The following PCM1 variants were observed in gnomAD, a reference collection of about 807,000 sequenced individuals.
The protein encoded by PCM1 is pericentriolar material 1 protein.
Under a neutral mutation model 241.9 loss-of-function variants are expected in PCM1, and 157 were observed. That is an observed-to-expected ratio of 0.65 (90% CI 0.57 to 0.74). PCM1 has a LOEUF of 0.74. Ranked by LOEUF, PCM1 falls within the 30% of genes least tolerant of loss-of-function variation. PCM1 has a pLI of 0.00. For synonymous variants in PCM1, 1,085 were observed against 784.9 expected (o/e 1.38, Z -6.39); for missense variants, 3,478 against 2,360.1 (o/e 1.47, Z -9.81).
At chr8:17,942,986 G>T (rs1453938090) in intron 6 of PCM1, among the ~76,000 whole-genome samples, 2 of 123,532 alleles carry the variant, frequency 1.6e-5, no homozygotes, top group Non-Finnish European at 1.8e-5. Flanking sequence ...GACAGAACGA[G>T]ACTCTGTCTC....
At chr8:17,964,524 C>T (rs771245088) in intron 17 of PCM1, 44 bp from the exon 18 acceptor site, 2 of 1,484,258 alleles carry the variant, frequency 1.3e-6, no homozygotes. Context: ...GAGTATTTAA[C>T]TTATCTCCAG....
At chr8:17,924,147 C>T (rs184039936) in intron 1 of PCM1, among the ~76,000 whole-genome samples, 70 of 152,224 alleles carry the variant, frequency 4.6e-4, no homozygotes, top group Middle Eastern at 3.4e-3. Flanking sequence ...TGCTGGTGTT[C>T]TCTGGTTACC....
chr8:17,961,946 C>A, intron 15 of PCM1, 88 bp from the exon 16 acceptor site: 1 of 1,100,846 alleles, frequency 9.1e-7, no homozygotes, highest in Non-Finnish European at 1.3e-6. Context: ...GCACTAGAGC[C>A]TTAGTGCCAT....
At chr8:18,006,079 A>G in intron 29 of PCM1, 184 bp from the exon 30 acceptor site, 1 of 527,460 alleles carries the variant, frequency 1.9e-6, no homozygotes. Flanking sequence ...AAACCTCTCA[A>G]TACGTATGAA....
intron 36 of PCM1, chr8:18,015,705 G>C (rs912893328): frequency 6.6e-6 from 1 of 152,026 alleles, no homozygotes; most frequent in Non-Finnish European, 1.5e-5. Context: ...TCTCAGATTT[G>C]TCTTTTACAG....
intron 30 of PCM1, 66 bp downstream of exon 30, chr8:18,006,463 G>A (rs1296757241): frequency 5.6e-6 from 6 of 1,071,148 alleles, no homozygotes; most frequent in Admixed American, 3.9e-5. Context: ...TTCGGGGGGT[G>A]GGTGAGGCAT....
Position 17,935,621 on chromosome 8 carries a change from G to C in PCM1, c.11G>C (p.Gly4Ala), listed in dbSNP as rs752451604. ...ATTGTTAAATCCAGTATGGCCACAG[G>C]AGGAGGTCCCTTTGAAGATGGCATG... Reference protein sequence around the residue: MATGGGPFEDGMND... With the variant: MATAGGPFEDGMND... The change falls in exon 3 of 39, where the codon GGA (glycine) becomes GCA (alanine). Residue 4 changes from glycine to alanine, a missense_variant. Transcript: ENST00000325083. 1.3e-6 allele frequency: 2 copies of C among 1,504,406 alleles called. No individual in the cohort carries two copies. Among genetic ancestry groups the C allele is most frequent in the Admixed American group, 1.7e-5 (1 of 59,744 alleles). The allele number at this position is 1,504,406 out of a possible 1,614,324, so 93.2% of individuals were successfully genotyped here.
At chr8:17,982,245 C>T (rs1329264832) in intron 24 of PCM1, among the ~76,000 whole-genome samples, 1 of 152,082 alleles carries the variant, frequency 6.6e-6, no homozygotes, top group Non-Finnish European at 1.5e-5. Context: ...TTATAATTTT[C>T]ATCTCCTTTT....
Position 17,993,601 on chromosome 8 carries a change from A to C in PCM1, c.4809A>C (p.Glu1603Asp). 1 of 1,588,164 alleles carries C rather than the reference A, an allele frequency of 6.3e-7. No homozygotes were observed. Among genetic ancestry groups the C allele is most frequent in the Middle Eastern group, 1.7e-4 (1 of 6,012 alleles). Residue 1603 changes from glutamate (E) to aspartate (D), a missense_variant, in exon 29 of 39, where the codon GAA (glutamate) becomes GAC (aspartate). By Grantham distance (45) the Glu-to-Asp change is conservative. Transcript: ENST00000325083. The stretch of plus-strand genomic sequence containing the variant: ...GGCAAATTAAAGCAATTATGAAAGA[A>C]GTCATTCCTTTTTTGAAGGTAAGCA... ...LDRQIKAIMK[E>D]VIPFLKEHMD... is the part of the protein sequence containing the mutation.
chr8:18,001,231 A>G (rs2089304393), intron 29 of PCM1, among the ~76,000 whole-genome samples: 2 of 152,274 alleles, frequency 1.3e-5, no homozygotes, highest in East Asian at 3.9e-4. Context: ...TTTTCTATTA[A>G]TTATTTTTTC....
chr8:17,944,326 G>T lies in PCM1; in HGVS notation c.784-2860G>T, dbSNP rs146873411. Among the ~76,000 whole-genome samples the T allele has an allele frequency of 2.0e-4, 30 of 152,196 alleles. No individual in the cohort carries two copies. The East Asian group carries it at 5.6e-3, about 28-fold the overall frequency. On this transcript the variant is annotated intron_variant, in intron 6 of 38. Coordinates refer to ENST00000325083, the MANE Select transcript of PCM1 (RefSeq NM_006197.4). ...CTGATTTCCCTTAACTGTGACACTG[G>T]ATAAGTCACAACTTTATCTTCTCTA... is the stretch of plus-strand genomic sequence containing the variant.
At position 17,957,329 on chromosome 8, in the gene PCM1, A is replaced by G; in HGVS notation, c.1712A>G (p.Asn571Ser). Reference sequence around the variant, plus strand: ...CATAGTAATGCACAGTGTGTTTCTAATAATAGAGATGGGCGAACAGTTAAT... The same window carrying G: ...CATAGTAATGCACAGTGTGTTTCTAGTAATAGAGATGGGCGAACAGTTAAT... ...NSHSNAQCVSNNRDGRTVNSN... is the reference protein window; with the variant it reads ...NSHSNAQCVSSNRDGRTVNSN... The change falls in exon 12 of 39, where the codon AAT becomes AGT. Residue 571 changes from asparagine to serine, a missense_variant. Physicochemically the swap from Asn to Ser is conservative, Grantham distance 46 (BLOSUM62 1). Coordinates refer to ENST00000325083, the MANE Select transcript of PCM1 (RefSeq NM_006197.4). The G allele has an allele frequency of 1.9e-6, 3 of 1,611,376 alleles. No homozygotes were observed. Among genetic ancestry groups the G allele is most frequent in the Non-Finnish European group, 1.7e-6 (2 of 1,177,826 alleles).
intron 29 of PCM1, among the ~76,000 whole-genome samples, chr8:18,001,521 G>A (rs1165862777): frequency 6.6e-6 from 1 of 152,178 alleles, no homozygotes; most frequent in Non-Finnish European, 1.5e-5. Context: ...CAGGGCAGAT[G>A]GAGACATGTG....
chr8:17,965,367 G>C (rs915028242), intron 18 of PCM1, among the ~76,000 whole-genome samples: 1 of 152,204 alleles, frequency 6.6e-6, no homozygotes. Flanking sequence ...GTTGAAAGGG[G>C]CTTGTTACGG....
intron 4 of PCM1, among the ~76,000 whole-genome samples, chr8:17,938,439 A>T (rs1421473159): frequency 6.6e-6 from 1 of 152,120 alleles, no homozygotes; most frequent in Admixed American, 6.6e-5. Context: ...AACTCCTAAC[A>T]CTTCTTGTCT....
At chr8:17,984,340 T>G (rs1035886175) in intron 24 of PCM1, among the ~76,000 whole-genome samples, 3 of 151,998 alleles carry the variant, frequency 2.0e-5, no homozygotes, top group Non-Finnish European at 4.4e-5. Flanking sequence ...AAGAGATTGC[T>G]TACAGAGATA....
chr8:17,981,842 A>G (rs978764071), intron 24 of PCM1, among the ~76,000 whole-genome samples: 2 of 152,056 alleles, frequency 1.3e-5, no homozygotes, highest in African/African-American at 2.4e-5. Context: ...GGAAAGCTTC[A>G]GAAGTCATGC....
chr8:18,006,707 G>T (rs1057499849), intron 30 of PCM1, among the ~76,000 whole-genome samples: 5 of 152,128 alleles, frequency 3.3e-5, no homozygotes, highest in African/African-American at 1.2e-4. Flanking sequence ...AAAGTATTCT[G>T]TGGCTGTTTC....
chr8:17,953,898 A>G (rs1264195140), intron 9 of PCM1, among the ~76,000 whole-genome samples: 3 of 152,202 alleles, frequency 2.0e-5, no homozygotes, highest in African/African-American at 7.2e-5. Context: ...TAGTCTTTAA[A>G]CATTCTAGCT....
Sources: allele counts gnomAD v4.1 joint callset (sites outside exome capture counted in the v4.1 genomes callset), GRCh38; gene constraint gnomAD v4.1.1; transcripts MANE v1.5; gene names NCBI Gene and HGNC (gene_info 2026-07-23, HGNC 2026-07-21).